RASGRF1: variants seen among roughly 807,000 people sequenced by gnomAD.
The protein encoded by RASGRF1 is ras-specific guanine nucleotide-releasing factor 1.
RASGRF1 carries 40 observed loss-of-function variants against 138.7 expected under a neutral mutation model. That is an observed-to-expected ratio of 0.29 (90% CI 0.22 to 0.38). The LOEUF (loss-of-function observed/expected upper bound fraction) is 0.38, where lower values mean the gene tolerates loss of function less well. Ranked by LOEUF, RASGRF1 falls within the 10% of genes least tolerant of loss-of-function variation. RASGRF1 has a pLI of 1.00. For missense variants in RASGRF1, 1,108 were observed against 1,650.4 expected (o/e 0.67, Z 5.69); for synonymous variants, 614 against 663.2 (o/e 0.93, Z 1.14).
intron 1 of RASGRF1, among the ~76,000 whole-genome samples, chr15:79,077,826 GCCCCCTCCAATT>G (rs1025474256): frequency 7.9e-6 from 1 of 127,322 alleles, no homozygotes; most frequent in African/African-American, 2.9e-5. Context: ...TGATCTCCTT[GCCCCCTCCAATT>G]CATCCCGCCT....
At chr15:79,062,359 T>C (rs2057618810) in intron 2 of RASGRF1, among the ~76,000 whole-genome samples, 1 of 152,156 alleles carries the variant, frequency 6.6e-6, no homozygotes, top group African/African-American at 2.4e-5. Context: ...CTCTACATCA[T>C]GAGCAATTTT....
intron 22 of RASGRF1, among the ~76,000 whole-genome samples, chr15:78,986,348 ACT>A (rs1448021911): frequency 6.7e-6 from 1 of 148,364 alleles, no homozygotes; most frequent in East Asian, 1.9e-4. Flanking sequence ...ACTTTCTAAG[ACT>A]CTTTTTTTTT....
intron 4 of RASGRF1, among the ~76,000 whole-genome samples, 184 bp downstream of exon 4, chr15:79,049,312 A>C (rs1378410479): frequency 2.0e-5 from 3 of 152,076 alleles, no homozygotes; most frequent in African/African-American, 7.2e-5. Flanking sequence ...GACAACCAGA[A>C]GAAATGACTT....
rs957021843 is a variant in RASGRF1, at chr15:79,046,550, T to C, written c.878+196A>G. 1.3e-5 allele frequency among the ~76,000 whole-genome samples: 2 copies of C among 152,244 alleles called. No homozygotes were observed. The highest frequency in any genetic ancestry group is 4.8e-5 in the African/African-American group (2 of 41,456). ...GGTTTGGACCTATACTTTGTGAGCC[T>C]ACATTTGTGCCCCTGCCCCAGACCC... On this transcript the variant is annotated intron_variant, in intron 5 of 26. Coordinates refer to ENST00000558480, the MANE Select transcript of RASGRF1 (RefSeq NM_001145648.3). This position sits in a 1 kb window ranked among gnomAD's most constrained non-coding sequence, Gnocchi z 5.3.
At chr15:79,038,604 TTC>T (rs1355972545) in intron 5 of RASGRF1, among the ~76,000 whole-genome samples, 8 of 152,328 alleles carry the variant, frequency 5.3e-5, no homozygotes, top group African/African-American at 1.4e-4. Flanking sequence ...CATTGCTATT[TTC>T]TCTCTTATTA....
chr15:79,041,993 T>A (rs2057303240), intron 5 of RASGRF1, among the ~76,000 whole-genome samples: 1 of 152,208 alleles, frequency 6.6e-6, no homozygotes, highest in Non-Finnish European at 1.5e-5. Flanking sequence ...ATGCCTCTTG[T>A]CATGGGCAAC....
intron 24 of RASGRF1, 80 bp downstream of exon 24, chr15:78,980,540 G>T: frequency 8.7e-7 from 1 of 1,156,028 alleles, no homozygotes; most frequent in Non-Finnish European, 1.3e-6. Context: ...TCCTGCTCTG[G>T]CTGGGGGCGG....
intron 3 of RASGRF1, among the ~76,000 whole-genome samples, chr15:79,053,413 G>A (rs781204023): frequency 6.6e-5 from 10 of 152,206 alleles, no homozygotes; most frequent in Non-Finnish European, 1.2e-4. Context: ...CTCCTATGCT[G>A]CCCTTTAGGG....
chr15:79,054,087 A>G (rs1371969232), intron 3 of RASGRF1, among the ~76,000 whole-genome samples: 2 of 152,238 alleles, frequency 1.3e-5, no homozygotes, highest in Non-Finnish European at 2.9e-5. Context: ...TGAAAATCTA[A>G]CAGTTGGCTC....
At chr15:79,008,446 C>T (rs556690585) in intron 13 of RASGRF1, among the ~76,000 whole-genome samples, 1 of 152,240 alleles carries the variant, frequency 6.6e-6, no homozygotes, top group South Asian at 2.1e-4. Flanking sequence ...CTGCAAGACA[C>T]AAAACATTTT....
intron 23 of RASGRF1, among the ~76,000 whole-genome samples, chr15:78,983,737 G>T (rs1009710913): frequency 6.6e-6 from 1 of 152,242 alleles, no homozygotes; most frequent in Non-Finnish European, 1.5e-5. Flanking sequence ...ACGAGTTCAT[G>T]ACAGCATGTA....
intron 1 of RASGRF1, among the ~76,000 whole-genome samples, chr15:79,079,226 G>A (rs192373291): frequency 4.5e-4 from 68 of 152,270 alleles, no homozygotes; most frequent in African/African-American, 1.5e-3. Flanking sequence ...AACATCTTTC[G>A]ATCTGTGATG....
chr15:79,022,212 G>T (rs796511081), intron 10 of RASGRF1, among the ~76,000 whole-genome samples: 2 of 152,172 alleles, frequency 1.3e-5, no homozygotes, highest in Non-Finnish European at 2.9e-5. Context: ...GGCTGAGGCT[G>T]GTGGATCACC....
intron 1 of RASGRF1, among the ~76,000 whole-genome samples, chr15:79,076,568 T>C (rs2057836357): frequency 6.6e-6 from 1 of 152,180 alleles, no homozygotes; most frequent in Non-Finnish European, 1.5e-5. Flanking sequence ...GCTGATGAGC[T>C]GCATGTGCTG....
At chr15:79,042,911 C>A (rs2057314821) in intron 5 of RASGRF1, among the ~76,000 whole-genome samples, 1 of 152,206 alleles carries the variant, frequency 6.6e-6, no homozygotes, top group Admixed American at 6.5e-5. Flanking sequence ...TGCAAAAAAG[C>A]ATAGAGCTTA....
rs2056973046 is a variant in RASGRF1, at chr15:79,022,393, T to G, written c.1543-2289A>C. On this transcript the variant is annotated intron_variant, in intron 10 of 26. Coordinates refer to ENST00000558480, the MANE Select transcript of RASGRF1 (RefSeq NM_001145648.3). Reference sequence around the variant, plus strand: ...AGGCAGAGGTTGCAGTGAGCCGAGATTGCGCCATTACACTCCAGCCTGGGT... The same window carrying G: ...AGGCAGAGGTTGCAGTGAGCCGAGAGTGCGCCATTACACTCCAGCCTGGGT... Among the ~76,000 whole-genome samples the G allele has an allele frequency of 2.0e-5, 3 of 151,970 alleles. No individual in the cohort carries two copies. In the South Asian group the frequency reaches 6.2e-4, roughly 32 times the overall value.
At position 79,040,124 on chromosome 15, in the gene RASGRF1, C is replaced by A. The variant is rs538847553; in HGVS notation, c.879-4914G>T. Among the ~76,000 whole-genome samples the A allele has an allele frequency of 3.3e-5, 5 of 152,002 alleles. No homozygotes were observed. In the South Asian group the frequency reaches 1.0e-3, roughly 32 times the overall value. On this transcript the variant is annotated intron_variant, in intron 5 of 26. Transcript: ENST00000558480. ...GTTTTTAGGACTTTTTTTTTATTGA[C>A]CCTGACCTCGGGTCTACCCCACAGA...
At chr15:79,086,545 G>A (rs894045401) in intron 1 of RASGRF1, among the ~76,000 whole-genome samples, 4 of 150,208 alleles carry the variant, frequency 2.7e-5, no homozygotes, top group Non-Finnish European at 5.9e-5. Flanking sequence ...CTAGAGAAGG[G>A]AACTAAGTGG....
At chr15:79,064,787 A>G (rs540921480) in intron 1 of RASGRF1, 44 of 445,772 alleles carry the variant, frequency 9.9e-5, no homozygotes, top group African/African-American at 8.0e-4. Context: ...TCAACAACAA[A>G]TTGCAAAAAA....
Sources: gnomAD v4.1 joint callset for allele counts (sites outside exome capture counted in the v4.1 genomes callset) on GRCh38, gnomAD v4.1.1 for gene constraint, Gnocchi (gnomAD v3.1) non-coding constraint, MANE v1.5 for transcripts, NCBI Gene and HGNC (gene_info 2026-07-23, HGNC 2026-07-21) for gene names.